Variants in KIAA1328 observed in about 807,000 individuals in gnomAD.
The protein encoded by KIAA1328 is protein hinderin.
A neutral mutation model predicts 68.1 loss-of-function variants in KIAA1328; 52 were observed. The ratio of observed to expected loss-of-function variants is 0.76; its 90% CI spans 0.61 to 0.96. KIAA1328 has a LOEUF of 0.96. Ranked by LOEUF, KIAA1328 falls within the 40% of genes least tolerant of loss-of-function variation. KIAA1328 has a pLI of 0.00. For missense variants in KIAA1328, 641 were observed against 677.6 expected, an observed-to-expected ratio of 0.95 and a Z score of 0.60; for synonymous variants, 232 against 239.4, an observed-to-expected ratio of 0.97 and a Z score of 0.28.
chr18:36,934,819 A>G (rs1005124548), intron 5 of KIAA1328, among the ~76,000 whole-genome samples: 1 of 152,234 alleles, frequency 6.6e-6, no homozygotes. Flanking sequence ...GCTTGGAGAA[A>G]GGAAAAGTAT....
chr18:37,216,075 T>A (rs1255113222), intron 9 of KIAA1328, among the ~76,000 whole-genome samples: 1 of 152,204 alleles, frequency 6.6e-6, no homozygotes, highest in Non-Finnish European at 1.5e-5. Flanking sequence ...GTCTATCAAT[T>A]TTGTTTCTTT....
intron 5 of KIAA1328, among the ~76,000 whole-genome samples, chr18:36,904,872 G>A (rs1281918219): frequency 4.0e-5 from 6 of 151,724 alleles, no homozygotes; most frequent in African/African-American, 1.4e-4. Flanking sequence ...CTATGGCTCT[G>A]TTCTGTATTT....
At chr18:36,845,879 C>CTT (rs1288575612) in intron 4 of KIAA1328, among the ~76,000 whole-genome samples, 1 of 151,620 alleles carries the variant, frequency 6.6e-6, no homozygotes, top group East Asian at 1.9e-4. Flanking sequence ...TAACCCTCTA[C>CTT]TTCCTACAAA....
chr18:37,175,310 A>G (rs1455155907), intron 9 of KIAA1328, among the ~76,000 whole-genome samples: 1 of 152,200 alleles, frequency 6.6e-6, no homozygotes, highest in Admixed American at 6.5e-5. Flanking sequence ...TTGCCCCAGT[A>G]AGAGTTTTAT....
intron 4 of KIAA1328, among the ~76,000 whole-genome samples, chr18:36,865,201 C>T (rs150272622): frequency 6.6e-6 from 1 of 152,110 alleles, no homozygotes; most frequent in East Asian, 1.9e-4. Flanking sequence ...ACTACTTTTA[C>T]TGTACCCTAC....
chr18:37,036,816 G>T (rs1205640033), intron 6 of KIAA1328, among the ~76,000 whole-genome samples: 1 of 152,022 alleles, frequency 6.6e-6, no homozygotes, highest in East Asian at 1.9e-4. Context: ...CCCATTTTCT[G>T]GTTCAAATTT....
At chr18:37,002,228 C>CTTTTTTTTTTTTTTTTTTTTTTTT (rs145948250) in intron 6 of KIAA1328, among the ~76,000 whole-genome samples, 1 of 95,162 alleles carries the variant, frequency 1.1e-5, no homozygotes, top group African/African-American at 3.7e-5. Context: ...ATTTTTTTTT[C>CTTTTTTTTTTTTTTTTTTTTTTTT]TTTTTTTTTT....
intron 7 of KIAA1328, among the ~76,000 whole-genome samples, chr18:37,080,322 A>T (rs1227928880): frequency 1.3e-5 from 2 of 152,166 alleles, no homozygotes; most frequent in African/African-American, 4.8e-5. Flanking sequence ...GTTAGATGGG[A>T]ATTATCCTTG....
At chr18:37,089,842 T>C (rs2057219241) in intron 7 of KIAA1328, among the ~76,000 whole-genome samples, 1 of 152,230 alleles carries the variant, frequency 6.6e-6, no homozygotes, top group African/African-American at 2.4e-5. Context: ...GGGTCATCTT[T>C]GTGTAAGCAA....
intron 6 of KIAA1328, among the ~76,000 whole-genome samples, chr18:36,970,919 T>C (rs866603889): frequency 1.3e-5 from 2 of 152,148 alleles, no homozygotes; most frequent in African/African-American, 4.8e-5. Context: ...CAAGCTACCA[T>C]TGACTTTCTT....
In KIAA1328 at chr18:37,101,561, G is replaced by A. The variant is rs555452716; in HGVS notation, c.1232+34016G>A. 3.5e-4 allele frequency among the ~76,000 whole-genome samples: 54 copies of A among 152,146 alleles called. No individual in the cohort carries two copies. The South Asian group carries it at 8.3e-3, about 23-fold the overall frequency. On this transcript the variant is annotated intron_variant, in intron 7 of 9. Transcript: ENST00000280020. ...TCTGATTGGTGTACCTGAAAGTGAC[G>A]GGGAGAATGGAACCAAGTTGTAAAA...
At chr18:37,034,180 G>A (rs1323438306) in intron 6 of KIAA1328, among the ~76,000 whole-genome samples, 2 of 152,214 alleles carry the variant, frequency 1.3e-5, no homozygotes, top group East Asian at 3.9e-4. Context: ...GGCATAATAA[G>A]TGCATAGTAA....
chr18:37,181,943 A>G (rs947045647), intron 9 of KIAA1328, among the ~76,000 whole-genome samples: 4 of 152,230 alleles, frequency 2.6e-5, no homozygotes, highest in Non-Finnish European at 5.9e-5. Flanking sequence ...TACACTCAGT[A>G]GTTCCAAGTA....
At chr18:37,042,915 A>G (rs1016559604) in intron 6 of KIAA1328, among the ~76,000 whole-genome samples, 2 of 151,948 alleles carry the variant, frequency 1.3e-5, no homozygotes, top group Admixed American at 1.3e-4. Context: ...TGAGACTGTT[A>G]GTTTTTATCA....
At chr18:37,164,150 C>G (rs2059338714) in intron 8 of KIAA1328, among the ~76,000 whole-genome samples, 1 of 152,200 alleles carries the variant, frequency 6.6e-6, no homozygotes. Context: ...TCTTCTCCGT[C>G]AGAATATAAG....
At chr18:37,060,949 C>T (rs777978631) in intron 6 of KIAA1328, among the ~76,000 whole-genome samples, 1 of 152,142 alleles carries the variant, frequency 6.6e-6, no homozygotes. Flanking sequence ...AACCGTGTCT[C>T]TACTAAAATA....
chr18:37,091,614 T>C (rs2151833885), intron 7 of KIAA1328, among the ~76,000 whole-genome samples: 1 of 152,226 alleles, frequency 6.6e-6, no homozygotes, highest in East Asian at 1.9e-4. Context: ...CAGCTGCACC[T>C]CCCTGCCATT....
rs576415724 is a variant in KIAA1328 at position 37,176,216 on chromosome 18, A to G, written c.1523+3135A>G. Among the ~76,000 whole-genome samples, 16 of 152,330 alleles carry G rather than the reference A, an allele frequency of 1.1e-4. No homozygotes were observed. In the East Asian group the frequency reaches 1.3e-3, roughly 13 times the overall value. On this transcript the variant is annotated intron_variant, in intron 9 of 9. Transcript: ENST00000280020. ...AATGTATTGTAGACTTGCAGTTACA[A>G]TGTGTAATAAGTGCTAGAGACAGTA...
At chr18:37,228,242 G>A (rs1234055491), downstream of KIAA1328, among the ~76,000 whole-genome samples, 1 of 152,178 alleles carries the variant, frequency 6.6e-6, no homozygotes, top group East Asian at 1.9e-4. Context: ...GAACATAATT[G>A]AAATGACAAC....
Sources: gnomAD v4.1 joint callset for allele counts (sites outside exome capture counted in the v4.1 genomes callset) on GRCh38, gnomAD v4.1.1 for gene constraint, MANE v1.5 for transcripts, NCBI Gene and HGNC (gene_info 2026-07-23, HGNC 2026-07-21) for gene names.